PEAK1: variants seen among roughly 807,000 people sequenced by gnomAD.
The protein encoded by PEAK1 is pseudopodium enriched atypical kinase 1, also known as inactive tyrosine-protein kinase PEAK1.
A neutral mutation model predicts 124.7 loss-of-function variants in PEAK1; 54 were observed. The observed-to-expected ratio is 0.43, with a 90% CI of 0.35 to 0.54. The LOEUF is 0.54. PEAK1 is among the 20% of genes least tolerant of loss of function. The probability of loss-of-function intolerance (pLI) is 0.01; values close to 1 mark genes in which losing one functional copy is unlikely to be tolerated. For synonymous variants in PEAK1, 719 were observed against 760.0 expected, an observed-to-expected ratio of 0.95 and a Z score of 0.89; for missense variants, 2,046 against 2,134.5, an observed-to-expected ratio of 0.96 and a Z score of 0.82.
At chr15:77,127,245 AC>A (rs1275057617) in intron 9 of PEAK1, among the ~76,000 whole-genome samples, 1 of 152,130 alleles carries the variant, frequency 6.6e-6, no homozygotes, top group Admixed American at 6.5e-5. Context: ...ATCAGCTAGA[AC>A]CTTGATCTTG....
chr15:77,287,205 T>G (rs749688135), intron 2 of PEAK1, among the ~76,000 whole-genome samples: 1 of 152,210 alleles, frequency 6.6e-6, no homozygotes, highest in African/African-American at 2.4e-5. Flanking sequence ...AGACTGACCA[T>G]GCAAAATTTA....
rs2071428147 is a variant in PEAK1, at chr15:77,402,176, A to AT, written c.-666+17829_-666+17830insA. 3.1e-6 allele frequency: 3 copies of AT among 982,336 alleles called. No individual in the cohort carries two copies. The African/African-American group carries it at 5.3e-5, about 17-fold the overall frequency. 60.9% of individuals were successfully genotyped at this position (982,336 alleles called of 1,614,324 possible). On this transcript the variant is annotated intron_variant, in intron 1 of 9. Coordinates refer to ENST00000682557, the MANE Select transcript of PEAK1 (RefSeq NM_001385026.1). Reference sequence around the variant, plus strand: ...AGGGACACTCCACCTCGGAAAAAAAAAAAAAAGGGACCAGATTTCAATCCT... The same window carrying AT: ...AGGGACACTCCACCTCGGAAAAAAAATAAAAAAGGGACCAGATTTCAATCCT...
At chr15:77,250,395 C>T (rs1186903938) in intron 6 of PEAK1, among the ~76,000 whole-genome samples, 8 of 147,712 alleles carry the variant, frequency 5.4e-5, no homozygotes, top group Non-Finnish European at 3.0e-5. Flanking sequence ...TACAGGCATG[C>T]GCCACCACAC....
At chr15:77,207,476 C>T (rs149119491) in intron 6 of PEAK1, among the ~76,000 whole-genome samples, 6 of 152,222 alleles carry the variant, frequency 3.9e-5, no homozygotes, top group African/African-American at 1.2e-4. Flanking sequence ...ACAACAAATA[C>T]TATCTAATGA....
At chr15:77,204,099 C>G in intron 6 of PEAK1, among the ~76,000 whole-genome samples, 1 of 151,042 alleles carries the variant, frequency 6.6e-6, no homozygotes, top group East Asian at 1.9e-4. Flanking sequence ...AAAAAGTGTG[C>G]AAAAGACCTG....
intron 5 of PEAK1, among the ~76,000 whole-genome samples, chr15:77,262,244 A>T (rs1237357169): frequency 6.6e-6 from 1 of 152,190 alleles, no homozygotes; most frequent in Non-Finnish European, 1.5e-5. Context: ...GACAGGATCA[A>T]ATTCACACAT....
chr15:77,418,310 C>G (rs77790350), intron 1 of PEAK1: 1 of 985,210 alleles, frequency 1.0e-6, no homozygotes, highest in African/African-American at 1.7e-5. Flanking sequence ...AAAGAAGGAA[C>G]ATACATTAAA....
At chr15:77,298,830 C>T (rs2063644531) in intron 2 of PEAK1, among the ~76,000 whole-genome samples, 1 of 152,156 alleles carries the variant, frequency 6.6e-6, no homozygotes, top group African/African-American at 2.4e-5. Flanking sequence ...ACTGTCCCTT[C>T]TCTCCGTTTC....
At chr15:77,320,307 A>G (rs1388924989) in intron 2 of PEAK1, among the ~76,000 whole-genome samples, 3 of 152,174 alleles carry the variant, frequency 2.0e-5, no homozygotes, top group Non-Finnish European at 2.9e-5. Context: ...TTGCATATAT[A>G]GCTGTCTCCC....
chr15:77,114,330 G>T lies in PEAK1; in HGVS notation c.5067C>A (p.Thr1689=), dbSNP rs750044340. The change falls in exon 10 of 10, where the codon ACC becomes ACA. Residue 1689 remains threonine, a synonymous_variant. Transcript: ENST00000682557. The part of the protein sequence containing the change: ...TACPSLVQRN[T]LLQNWLDIKR... ...TGATGTCTAGCCAGTTTTGGAGCAGGGTGTTCCTCTGTACTAGGCTAGGGC... is the reference window on the plus strand; with the variant it reads ...TGATGTCTAGCCAGTTTTGGAGCAGTGTGTTCCTCTGTACTAGGCTAGGGC... The T allele has an allele frequency of 1.2e-6, 2 of 1,614,202 alleles. No individual in the cohort carries two copies. Among genetic ancestry groups the T allele is most frequent in the Admixed American group, 1.7e-5 (1 of 60,022 alleles).
chr15:77,363,065 G>A (rs149109171), intron 2 of PEAK1, among the ~76,000 whole-genome samples: 7 of 152,044 alleles, frequency 4.6e-5, no homozygotes, highest in East Asian at 1.9e-4. Context: ...CATGTTGGCC[G>A]GGCTGGTCTC....
At chr15:77,130,124 C>A (rs942976018) in intron 9 of PEAK1, among the ~76,000 whole-genome samples, 1 of 152,150 alleles carries the variant, frequency 6.6e-6, no homozygotes, top group Non-Finnish European at 1.5e-5. Flanking sequence ...CAATACCAGA[C>A]CACTGATTTG....
chr15:77,235,581 T>C (rs1478252307), intron 6 of PEAK1, among the ~76,000 whole-genome samples: 4 of 152,204 alleles, frequency 2.6e-5, no homozygotes, highest in Non-Finnish European at 2.9e-5. Context: ...TTGGAAAATT[T>C]GCAGCCTGAA....
rs1166258217 is a variant in PEAK1, at chr15:77,133,450, T to C, written c.3632A>G (p.Asp1211Gly). Residue 1211 changes from aspartate to glycine, a missense_variant, in exon 9 of 10, where the codon GAC becomes GGC. Coordinates refer to ENST00000682557, the MANE Select transcript of PEAK1 (RefSeq NM_001385026.1). The surrounding 1 kb of genome is among the most constrained non-coding windows in gnomAD (Gnocchi z 4.2). ...SSISYELKGL[D>G]IESYDSLERP... is the part of the protein sequence containing the mutation. ...TTCCAAGGAGTCATAAGACTCAATG[T>C]CCAGTCCTTTGAGTTCATAGCTGAT... 1.2e-6 allele frequency: 2 copies of C among 1,614,094 alleles called. No homozygotes were observed. The highest frequency in any genetic ancestry group is 1.7e-6 in the Non-Finnish European group (2 of 1,180,036).
intron 2 of PEAK1, among the ~76,000 whole-genome samples, chr15:77,310,919 G>C (rs990536021): frequency 4.6e-5 from 7 of 152,212 alleles, no homozygotes; most frequent in Admixed American, 1.3e-4. Context: ...AATGAGGCTT[G>C]AGAAGTAAGT....
chr15:77,362,751 T>C (rs1167477416), intron 2 of PEAK1, among the ~76,000 whole-genome samples: 1 of 151,718 alleles, frequency 6.6e-6, no homozygotes, highest in Non-Finnish European at 1.5e-5. Flanking sequence ...GCCAAAAAAG[T>C]GGAAACAACC....
At chr15:77,314,619 C>T (rs1490793747) in intron 2 of PEAK1, among the ~76,000 whole-genome samples, 2 of 152,114 alleles carry the variant, frequency 1.3e-5, no homozygotes, top group Non-Finnish European at 2.9e-5. Context: ...CCACCCACCT[C>T]GGCCTCCCAA....
At chr15:77,360,738 G>T (rs974152995) in intron 2 of PEAK1, among the ~76,000 whole-genome samples, 3 of 151,812 alleles carry the variant, frequency 2.0e-5, no homozygotes, top group Non-Finnish European at 2.9e-5. Flanking sequence ...AGGCACAACT[G>T]TATTTCTATT....
intron 6 of PEAK1, among the ~76,000 whole-genome samples, chr15:77,230,077 G>A (rs2059842582): frequency 6.6e-6 from 1 of 152,060 alleles, no homozygotes; most frequent in South Asian, 2.1e-4. Flanking sequence ...TCAAGTGAGG[G>A]GGAGAATAAT....
Sources: allele counts gnomAD v4.1 joint callset (sites outside exome capture counted in the v4.1 genomes callset), GRCh38; gene constraint gnomAD v4.1.1; non-coding constraint Gnocchi (gnomAD v3.1); transcripts MANE v1.5; gene names NCBI Gene and HGNC (gene_info 2026-07-23, HGNC 2026-07-21).